SDK1: variants seen among roughly 807,000 people sequenced by gnomAD.
SDK1 encodes sidekick cell adhesion molecule 1, also known as protein sidekick-1.
In SDK1, 157 loss-of-function variants were observed where a neutral mutation model predicts 245.5. That is an observed-to-expected ratio of 0.64 (90% CI 0.56 to 0.73). SDK1 has a LOEUF of 0.73. SDK1 is among the 30% of genes least tolerant of loss of function. SDK1 has a pLI of 0.00. For missense variants in SDK1, 3,583 were observed against 3,002.3 expected, an observed-to-expected ratio of 1.19 and a Z score of -4.52; for synonymous variants, 1,647 against 1,278.5, an observed-to-expected ratio of 1.29 and a Z score of -6.15.
At chr7:3,616,692 TATG>T (rs1176252705) in intron 1 of SDK1, among the ~76,000 whole-genome samples, 2 of 152,192 alleles carry the variant, frequency 1.3e-5, no homozygotes, top group Non-Finnish European at 2.9e-5. Flanking sequence ...ATATACCAAT[TATG>T]ATGGAATATA....
At chr7:3,762,065 T>C (rs1018981795) in intron 4 of SDK1, among the ~76,000 whole-genome samples, 3 of 152,240 alleles carry the variant, frequency 2.0e-5, no homozygotes, top group African/African-American at 4.8e-5. Context: ...TAGCTACAAA[T>C]TATTTATAGA....
intron 28 of SDK1, among the ~76,000 whole-genome samples, chr7:4,136,023 C>T (rs541473333): frequency 2.6e-5 from 4 of 152,284 alleles, no homozygotes; most frequent in South Asian, 2.1e-4. Context: ...TCCTAAAGTG[C>T]GTCGGGAGGT....
intron 1 of SDK1, among the ~76,000 whole-genome samples, chr7:3,318,483 G>A (rs1779717596): frequency 6.6e-6 from 1 of 152,182 alleles, no homozygotes; most frequent in South Asian, 2.1e-4. Context: ...ATAAATCATA[G>A]CTATTATTGT....
chr7:3,955,483 C>G (rs796848564), intron 7 of SDK1, among the ~76,000 whole-genome samples: 1 of 152,206 alleles, frequency 6.6e-6, no homozygotes. Flanking sequence ...CAGAGTCCCT[C>G]TTGCCAAGTG....
At chr7:4,040,815 C>A (rs956572945) in intron 17 of SDK1, among the ~76,000 whole-genome samples, 2 of 152,172 alleles carry the variant, frequency 1.3e-5, no homozygotes, top group Non-Finnish European at 2.9e-5. Context: ...TTACTGTACA[C>A]GTGGTGACAA....
intron 25 of SDK1, among the ~76,000 whole-genome samples, chr7:4,124,430 G>A (rs1057394549): frequency 6.6e-6 from 1 of 152,088 alleles, no homozygotes; most frequent in African/African-American, 2.4e-5. Flanking sequence ...TTCTCCCTGT[G>A]TGTGTCTGTC....
At chr7:3,369,218 G>C (rs542890773) in intron 1 of SDK1, among the ~76,000 whole-genome samples, 1 of 151,868 alleles carries the variant, frequency 6.6e-6, no homozygotes, top group Non-Finnish European at 1.5e-5. Flanking sequence ...CTGATTTTTT[G>C]TATTTTTAGT....
chr7:4,107,727 C>T (rs1362505055), intron 22 of SDK1, among the ~76,000 whole-genome samples: 1 of 152,134 alleles, frequency 6.6e-6, no homozygotes, highest in African/African-American at 2.4e-5. Context: ...TCCCAGCCCG[C>T]CTACGACCCC....
At chr7:3,808,035 G>A (rs1190405075) in intron 4 of SDK1, among the ~76,000 whole-genome samples, 1 of 152,162 alleles carries the variant, frequency 6.6e-6, no homozygotes, top group South Asian at 2.1e-4. Flanking sequence ...AGCGTCACCA[G>A]CTAGGAAGTG....
chr7:3,992,228 G>T (rs991572679), intron 14 of SDK1, among the ~76,000 whole-genome samples: 1 of 152,224 alleles, frequency 6.6e-6, no homozygotes, highest in South Asian at 2.1e-4. Context: ...CCTCTTCCGA[G>T]CTCTGTGGAG....
chr7:3,799,087 A>G (rs1583425437), intron 4 of SDK1, among the ~76,000 whole-genome samples: 1 of 152,278 alleles, frequency 6.6e-6, no homozygotes, highest in East Asian at 1.9e-4. Context: ...TATGGATTTA[A>G]TGTCATTGGA....
intron 1 of SDK1, among the ~76,000 whole-genome samples, chr7:3,487,221 T>G (rs530253257): frequency 1.3e-5 from 2 of 152,356 alleles, no homozygotes; most frequent in Admixed American, 6.5e-5. Context: ...AATTTAGATA[T>G]TAAGTTTATG....
At chr7:3,622,799 T>C (rs553550477) in intron 2 of SDK1, among the ~76,000 whole-genome samples, 2 of 152,336 alleles carry the variant, frequency 1.3e-5, no homozygotes, top group South Asian at 4.1e-4. Flanking sequence ...TGGGTGATTC[T>C]GAAGCAAGAA....
intron 1 of SDK1, among the ~76,000 whole-genome samples, chr7:3,341,984 AAAG>A (rs1353056010): frequency 6.6e-6 from 1 of 152,240 alleles, no homozygotes; most frequent in East Asian, 1.9e-4. Context: ...CGATCTAGTA[AAAG>A]AATAAAGCAG....
At chr7:3,375,180 CAAAAA>C (rs35979685) in intron 1 of SDK1, among the ~76,000 whole-genome samples, 3 of 142,462 alleles carry the variant, frequency 2.1e-5, no homozygotes, top group Admixed American at 6.9e-5. Flanking sequence ...AGTTAATTTG[CAAAAA>C]AAAAAAAAAA....
At chr7:3,999,598 AG>A (rs1318324675) in intron 14 of SDK1, among the ~76,000 whole-genome samples, 1 of 152,144 alleles carries the variant, frequency 6.6e-6, no homozygotes, top group African/African-American at 2.4e-5. Flanking sequence ...AAGGACTCCG[AG>A]GCTTGGATGC....
chr7:3,806,531 C>A (rs765223172), intron 4 of SDK1, among the ~76,000 whole-genome samples: 2 of 152,216 alleles, frequency 1.3e-5, no homozygotes. Context: ...CCTTTATAGA[C>A]CCTAGCGAAG....
intron 5 of SDK1, among the ~76,000 whole-genome samples, chr7:3,827,979 A>G (rs934042590): frequency 6.6e-6 from 1 of 152,188 alleles, no homozygotes; most frequent in Non-Finnish European, 1.5e-5. Flanking sequence ...GTCCTAACTA[A>G]TACATTACTA....
intron 28 of SDK1, among the ~76,000 whole-genome samples, chr7:4,141,793 G>T (rs1395446547): frequency 2.0e-5 from 3 of 152,184 alleles, no homozygotes; most frequent in East Asian, 1.9e-4. Context: ...GTCTCGCTCA[G>T]TCGCCCAGGC....
Sources: gnomAD v4.1 joint callset for allele counts (sites outside exome capture counted in the v4.1 genomes callset) on GRCh38, gnomAD v4.1.1 for gene constraint, MANE v1.5 for transcripts, NCBI Gene and HGNC (gene_info 2026-07-23, HGNC 2026-07-21) for gene names.